KHDRBS2: variants seen among roughly 807,000 people sequenced by gnomAD.
KHDRBS2 encodes KH domain-containing, RNA-binding, signal transduction-associated protein 2.
In KHDRBS2, 26 loss-of-function variants were observed where a neutral mutation model predicts 44.3. That is an observed-to-expected ratio of 0.59 (90% CI 0.43 to 0.81). The LOEUF (loss-of-function observed/expected upper bound fraction) is 0.81, where lower values mean the gene tolerates loss of function less well. Ranked by LOEUF, KHDRBS2 falls within the 40% of genes least tolerant of loss-of-function variation. The probability of loss-of-function intolerance (pLI) is 0.00; values close to 1 mark genes in which losing one functional copy is unlikely to be tolerated. For missense variants in KHDRBS2, 476 were observed against 433.1 expected (o/e 1.10, Z -0.88); for synonymous variants, 194 against 151.1 (o/e 1.28, Z -2.08).
chr6:62,020,621 C>A (rs187242180), intron 3 of KHDRBS2, among the ~76,000 whole-genome samples: 36 of 152,062 alleles, frequency 2.4e-4, no homozygotes, highest in African/African-American at 8.2e-4. Flanking sequence ...TTGTGGCTGT[C>A]TTTATGTGCG....
At chr6:61,552,467 G>A in the KHDRBS2 span, among the ~76,000 whole-genome samples, 1 of 152,122 alleles carries the variant, frequency 6.6e-6, no homozygotes, top group African/African-American at 2.4e-5. Context: ...AACAGGGATA[G>A]TTTGACTTCC....
At chr6:62,124,092 A>C (rs1342629128) in intron 2 of KHDRBS2, among the ~76,000 whole-genome samples, 1 of 152,148 alleles carries the variant, frequency 6.6e-6, no homozygotes, top group Non-Finnish European at 1.5e-5. Context: ...TTCTGCTCTC[A>C]TCTTACTTGA....
chr6:61,788,350 A>G (rs1396836997), intron 6 of KHDRBS2, among the ~76,000 whole-genome samples: 4 of 151,594 alleles, frequency 2.6e-5, no homozygotes, highest in African/African-American at 9.6e-5. Flanking sequence ...ACTTAGTGTC[A>G]TTTCAAACAA....
At chr6:62,209,213 T>G (rs1828587161) in intron 1 of KHDRBS2, among the ~76,000 whole-genome samples, 2 of 152,166 alleles carry the variant, frequency 1.3e-5, no homozygotes, top group African/African-American at 4.8e-5. Context: ...AAGCAGTAAA[T>G]AATTCCTTAG....
chr6:61,744,923 T>C (rs1247516257), intron 6 of KHDRBS2, among the ~76,000 whole-genome samples: 1 of 152,156 alleles, frequency 6.6e-6, no homozygotes, highest in South Asian at 2.1e-4. Context: ...CTACCGAAAC[T>C]TTCAAATCTG....
intron 6 of KHDRBS2, among the ~76,000 whole-genome samples, chr6:61,855,229 A>C (rs918955868): frequency 6.6e-5 from 10 of 151,966 alleles, no homozygotes; most frequent in African/African-American, 1.9e-4. Context: ...CTATACTCTA[A>C]ATTTTAAACA....
chr6:61,869,635 T>C (rs1199769447), intron 6 of KHDRBS2, among the ~76,000 whole-genome samples: 1 of 151,646 alleles, frequency 6.6e-6, no homozygotes, highest in Non-Finnish European at 1.5e-5. Context: ...CAGAAGACGG[T>C]GATTTCTGCA....
the KHDRBS2 span, among the ~76,000 whole-genome samples, chr6:61,543,084 C>A: frequency 6.6e-6 from 1 of 151,832 alleles, no homozygotes; most frequent in East Asian, 1.9e-4. Context: ...TCCACAAGCA[C>A]AGGCAACCAA....
chr6:62,213,831 G>A (rs1399410186), intron 1 of KHDRBS2, among the ~76,000 whole-genome samples: 5 of 116,490 alleles, frequency 4.3e-5, no homozygotes, highest in Non-Finnish European at 6.4e-5. Context: ...CCGAGATCAC[G>A]CCACTGCACT....
At chr6:62,048,551 T>C (rs1454718619) in intron 2 of KHDRBS2, among the ~76,000 whole-genome samples, 1 of 151,898 alleles carries the variant, frequency 6.6e-6, no homozygotes, top group Non-Finnish European at 1.5e-5. Flanking sequence ...GACTCAATTA[T>C]TGTTCAATCT....
the KHDRBS2 span, among the ~76,000 whole-genome samples, chr6:61,566,209 A>G: frequency 5.3e-5 from 8 of 152,178 alleles, no homozygotes. Context: ...AGGTGAGAAT[A>G]GAATGATGGT....
chr6:61,893,863 C>T (rs1343331007), intron 6 of KHDRBS2, among the ~76,000 whole-genome samples: 1 of 151,576 alleles, frequency 6.6e-6, no homozygotes, highest in Middle Eastern at 3.2e-3. Context: ...CAAACCTGCA[C>T]GTTGTGCACA....
the KHDRBS2 span, among the ~76,000 whole-genome samples, chr6:61,657,648 C>G: frequency 1.3e-5 from 2 of 151,914 alleles, no homozygotes; most frequent in Non-Finnish European, 2.9e-5. Flanking sequence ...AAGCCTTTCT[C>G]CTGATCATTG....
chr6:61,729,744 T>C (rs1468812494), intron 7 of KHDRBS2, among the ~76,000 whole-genome samples: 1 of 152,168 alleles, frequency 6.6e-6, no homozygotes, highest in Non-Finnish European at 1.5e-5. Flanking sequence ...ATATCTTCTT[T>C]GGTGAAATGT....
At position 62,081,383 on chromosome 6, in the gene KHDRBS2, G is replaced by T. The variant is rs374844091; in HGVS notation, c.220-33389C>A. Among the ~76,000 whole-genome samples the T allele has an allele frequency of 1.4e-3, 219 of 152,224 alleles. 1 individual carries two copies. Among genetic ancestry groups the T allele is most frequent in the African/African-American group, 4.9e-3 (205 of 41,560 alleles). On this transcript the variant is annotated intron_variant, in intron 2 of 8. Transcript: ENST00000281156. Reference sequence around the variant, plus strand: ...CTTGAAGGACAGAGAGGATTTAAGTGTTTCCCTAATATTTTTCAATGGGAA... The same window carrying T: ...CTTGAAGGACAGAGAGGATTTAAGTTTTTCCCTAATATTTTTCAATGGGAA...
intron 6 of KHDRBS2, among the ~76,000 whole-genome samples, chr6:61,881,055 T>G (rs181117831): frequency 1.3e-5 from 2 of 151,932 alleles, no homozygotes; most frequent in African/African-American, 4.8e-5. Flanking sequence ...GAGGAGAAAT[T>G]TGGGCCACAG....
chr6:62,234,246 T>C (rs1489326940), intron 1 of KHDRBS2, among the ~76,000 whole-genome samples: 1 of 152,144 alleles, frequency 6.6e-6, no homozygotes, highest in African/African-American at 2.4e-5. Context: ...ATTCAAGTTC[T>C]AGTTTACTAC....
the KHDRBS2 span, among the ~76,000 whole-genome samples, chr6:61,544,154 A>G: frequency 6.2e-4 from 94 of 152,246 alleles, no homozygotes; most frequent in Non-Finnish European, 1.1e-3. Context: ...GAAGTGATAG[A>G]TATGCCATTT....
At chr6:62,188,586 A>G (rs746408078) in intron 1 of KHDRBS2, among the ~76,000 whole-genome samples, 33 of 152,206 alleles carry the variant, frequency 2.2e-4, no homozygotes, top group Non-Finnish European at 4.4e-4. Context: ...GATCAGAGAC[A>G]TTAATTAAGT....
Sources: gnomAD v4.1 joint callset for allele counts (sites outside exome capture counted in the v4.1 genomes callset) on GRCh38, gnomAD v4.1.1 for gene constraint, MANE v1.5 for transcripts, NCBI Gene and HGNC (gene_info 2026-07-23, HGNC 2026-07-21) for gene names.